NACC1: variants seen among roughly 807,000 people sequenced by gnomAD.
The protein encoded by NACC1 is nucleus accumbens associated 1, also known as nucleus accumbens-associated protein 1.
A neutral mutation model predicts 41.7 loss-of-function variants in NACC1; 6 were observed. That is an observed-to-expected ratio of 0.14 (90% confidence interval 0.08 to 0.28). The LOEUF (loss-of-function observed/expected upper bound fraction) is 0.28, where lower values mean the gene tolerates loss of function less well. NACC1 is among the 10% of genes least tolerant of loss of function. NACC1 has a pLI of 1.00. For synonymous variants in NACC1, 338 were observed against 330.6 expected (o/e 1.02, Z -0.24); for missense variants, 434 against 763.7 (o/e 0.57, Z 5.09).
intron 1 of NACC1, among the ~76,000 whole-genome samples, chr19:13,126,631 C>T (rs1214206778): frequency 6.6e-6 from 1 of 152,072 alleles, no homozygotes; most frequent in African/African-American, 2.4e-5. Flanking sequence ...GTGAGCAATT[C>T]GTCAGGTAAC....
intron 1 of NACC1, among the ~76,000 whole-genome samples, chr19:13,128,466 G>T (rs2019592672): frequency 6.6e-6 from 1 of 152,178 alleles, no homozygotes; most frequent in African/African-American, 2.4e-5. Flanking sequence ...TTTATCTCCA[G>T]ATACAGGCAC....
rs2019709524 is a variant in NACC1, at chr19:13,136,518, CTGTAGTGTTGGTAACAGCCA to C, written c.1120+114_1120+133del. On this transcript the variant is annotated intron_variant, in intron 3 of 5. Transcript: ENST00000292431. This position sits in a 1 kb window ranked among gnomAD's most constrained non-coding sequence, Gnocchi z 5.5. ...CAGCACCTCAGTTTCCCTATCTGTG[CTGTAGTGTTGGTAACAGCCA>C]CCCTAAGGGTGGGGGCGTTGGTGAG... 12 of 1,294,770 alleles carry C rather than the reference CTGTAGTGTTGGTAACAGCCA, an allele frequency of 9.3e-6. No homozygotes were observed. The South Asian group carries it at 1.6e-4, about 18-fold the overall frequency. 80.2% of individuals were successfully genotyped at this position (1,294,770 alleles called of 1,614,324 possible).
chr19:13,136,543 A>T lies in NACC1; in HGVS notation c.1120+138A>T. ...CTGTAGTGTTGGTAACAGCCACCCTAAGGGTGGGGGCGTTGGTGAGATGGA... is the reference window on the plus strand; with the variant it reads ...CTGTAGTGTTGGTAACAGCCACCCTTAGGGTGGGGGCGTTGGTGAGATGGA... On this transcript the variant is annotated intron_variant, in intron 3 of 5. Coordinates refer to ENST00000292431, the MANE Select transcript of NACC1 (RefSeq NM_052876.4). The surrounding 1 kb of genome is among the most constrained non-coding windows in gnomAD (Gnocchi z 5.5). 5.9e-6 allele frequency: 6 copies of T among 1,025,354 alleles called. No homozygotes were observed. Among genetic ancestry groups the T allele is most frequent in the Non-Finnish European group, 8.3e-6 (6 of 727,090 alleles). 63.5% of individuals were successfully genotyped at this position (1,025,354 alleles called of 1,614,324 possible). A position where few individuals can be genotyped will look rare whatever the true frequency, so the allele number is the denominator to read the frequency against.
At position 13,137,042 on chromosome 19, in the gene NACC1, A is replaced by G. The variant is rs1228731373; in HGVS notation, c.1121-229A>G. ...CAGGCACCCCGAGGATGGTGAAGCA[A>G]CCCTTTCTGTCCTTTCCTGAGCACT... is the stretch of plus-strand genomic sequence containing the variant. On this transcript the variant is annotated intron_variant, in intron 3 of 5. Transcript: ENST00000292431. This position sits in a 1 kb window ranked among gnomAD's most constrained non-coding sequence, Gnocchi z 6.1. 6.6e-6 allele frequency among the ~76,000 whole-genome samples: 1 copy of G among 152,098 alleles called. No homozygotes were observed. The highest frequency in any genetic ancestry group is 2.4e-5 in the African/African-American group (1 of 41,408).
rs202124219 is a variant in NACC1, at chr19:13,122,899, GCGAGCGC to G, written c.-9+4449_-9+4455del. Reference sequence around the variant, plus strand: ...GGCATTCATGAGCACCGACTACGGGGCGAGCGCCGATCGGCCTGTGTTCTTTGGTTGT... The same window carrying G: ...GGCATTCATGAGCACCGACTACGGGGCGATCGGCCTGTGTTCTTTGGTTGT... On this transcript the variant is annotated intron_variant, in intron 1 of 5. Coordinates refer to ENST00000292431, the MANE Select transcript of NACC1 (RefSeq NM_052876.4). Among the ~76,000 whole-genome samples, 860 of 152,310 alleles carry G rather than the reference GCGAGCGC, an allele frequency of 5.6e-3. 6 individuals are homozygous for G. Among genetic ancestry groups the G allele is most frequent in the African/African-American group, 0.019 (797 of 41,546 alleles).
intron 1 of NACC1, among the ~76,000 whole-genome samples, chr19:13,121,484 G>C (rs1248146665): frequency 6.6e-6 from 1 of 152,182 alleles, no homozygotes; most frequent in Non-Finnish European, 1.5e-5. Context: ...CCTCCTGGCC[G>C]GGCAGCAGGG....
intron 1 of NACC1, among the ~76,000 whole-genome samples, chr19:13,129,421 C>T (rs1163410927): frequency 1.3e-5 from 2 of 151,642 alleles, no homozygotes; most frequent in Non-Finnish European, 2.9e-5. Flanking sequence ...TAGTTTTTCT[C>T]CTGAGTCCAT....
At position 13,135,252 on chromosome 19, in the gene NACC1, C is replaced by T. The variant is rs1272026988; in HGVS notation, c.45C>T (p.Ser15=). Residue 15 remains serine, a synonymous_variant, in exon 2 of 6, where the codon AGC becomes AGT. Coordinates refer to ENST00000292431, the MANE Select transcript of NACC1 (RefSeq NM_052876.4). ...TGGAGATCCCGAACTTCGGCAACAG[C>T]ATCCTGGAGTGCCTCAATGAACAGC... is the stretch of plus-strand genomic sequence containing the variant. ...LQMEIPNFGN[S]ILECLNEQRL... is the part of the protein sequence containing the mutation. 1 of 1,613,054 alleles carries T rather than the reference C, an allele frequency of 6.2e-7. No homozygotes were observed. The highest frequency in any genetic ancestry group is 1.7e-5 in the Admixed American group (1 of 59,884).
At chr19:13,119,856 C>T (rs1380238927) in intron 1 of NACC1, among the ~76,000 whole-genome samples, 3 of 152,220 alleles carry the variant, frequency 2.0e-5, no homozygotes, top group Non-Finnish European at 2.9e-5. Context: ...TGATGGCTCA[C>T]CACCACCAGT....
chr19:13,137,430 C>A lies in NACC1; in HGVS notation c.1227-48C>A, dbSNP rs201961947. Reference sequence around the variant, plus strand: ...GGGGGTGGGGTTTCCCCATGTCCCCCCCACCACCAACTTGAGCGCTGACTC... The same window carrying A: ...GGGGGTGGGGTTTCCCCATGTCCCCACCACCACCAACTTGAGCGCTGACTC... On this transcript the variant is annotated intron_variant, in intron 4 of 5. Coordinates refer to ENST00000292431, the MANE Select transcript of NACC1 (RefSeq NM_052876.4). The surrounding 1 kb of genome is among the most constrained non-coding windows in gnomAD (Gnocchi z 6.1). 1.8e-5 allele frequency: 29 copies of A among 1,611,632 alleles called. No homozygotes were observed. In the Admixed American group the frequency reaches 3.2e-4, roughly 18 times the overall value.
At position 13,137,773 on chromosome 19, in the gene NACC1, C is replaced by A. The variant is rs2019727330; in HGVS notation, c.1324+198C>A. Among the ~76,000 whole-genome samples the A allele has an allele frequency of 6.6e-6, 1 of 152,124 alleles. No individual in the cohort carries two copies. Among genetic ancestry groups the A allele is most frequent in the South Asian group, 2.1e-4 (1 of 4,828 alleles). Reference sequence around the variant, plus strand: ...GGGGATGCACGTGCCGAAGGGAAGCCAGGGAGCCTGTGTCAGGCAGGAGGG... The same window carrying A: ...GGGGATGCACGTGCCGAAGGGAAGCAAGGGAGCCTGTGTCAGGCAGGAGGG... On this transcript the variant is annotated intron_variant, in intron 5 of 5. Coordinates refer to ENST00000292431, the MANE Select transcript of NACC1 (RefSeq NM_052876.4). The surrounding 1 kb of genome is among the most constrained non-coding windows in gnomAD (Gnocchi z 6.1).
At chr19:13,133,087 T>C (rs2019653286) in intron 1 of NACC1, among the ~76,000 whole-genome samples, 1 of 152,124 alleles carries the variant, frequency 6.6e-6, no homozygotes, top group Non-Finnish European at 1.5e-5. Flanking sequence ...TAATGAAACA[T>C]GGAAGGTGCT....
chr19:13,138,589 G>A lies in NACC1; in HGVS notation c.*183G>A, dbSNP rs1040588981. On this transcript the variant is annotated 3_prime_UTR_variant, in exon 6 of 6. Transcript: ENST00000292431. This position sits in a 1 kb window ranked among gnomAD's most constrained non-coding sequence, Gnocchi z 5.7. Reference sequence around the variant, plus strand: ...CCGAGAGCTGGGCCGGGAGAGGACCGCAGGGCAGGTGGCGTGAGGTCCGTG... The same window carrying A: ...CCGAGAGCTGGGCCGGGAGAGGACCACAGGGCAGGTGGCGTGAGGTCCGTG... 22 of 889,894 alleles carry A rather than the reference G, an allele frequency of 2.5e-5. No individual in the cohort carries two copies. Among genetic ancestry groups the A allele is most frequent in the African/African-American group, 2.0e-4 (12 of 59,372 alleles). The allele number at this position is 889,894 out of a possible 1,614,324, so 55.1% of individuals were successfully genotyped here.
intron 1 of NACC1, among the ~76,000 whole-genome samples, chr19:13,122,024 C>T (rs547952096): frequency 1.2e-3 from 188 of 152,292 alleles, no homozygotes; most frequent in African/African-American, 4.3e-3. Flanking sequence ...CTACTGCCTT[C>T]CCCTAGAGAA....
At position 13,136,285 on chromosome 19, in the gene NACC1, A is replaced by G. The variant is rs1330937800; in HGVS notation, c.1000A>G (p.Ile334Val). 1 of 1,613,994 alleles carries G rather than the reference A, an allele frequency of 6.2e-7. No homozygotes were observed. The highest frequency in any genetic ancestry group is 2.2e-5 in the East Asian group (1 of 44,856). ...GGTAGCCCCCGAGTCCCGAAATCGC[A>G]TCCGGGTTCGGCAAGACCTGGCGTC... ...EQVAPESRNR[I>V]RVRQDLASLP... Residue 334 changes from isoleucine (I) to valine (V), a missense_variant, in exon 3 of 6, where the codon ATC (isoleucine) becomes GTC (valine). Physicochemically the swap from Ile to Val is conservative, Grantham distance 29. Around this residue, in one of 4 missense-constraint regions of NACC1, gnomAD observed 234 missense variants for 308.3 expected, o/e 0.76. Transcript: ENST00000292431. The surrounding 1 kb of genome is among the most constrained non-coding windows in gnomAD (Gnocchi z 5.5).
intron 1 of NACC1, among the ~76,000 whole-genome samples, chr19:13,133,270 A>G (rs139719925): frequency 1.3e-5 from 2 of 151,918 alleles, no homozygotes; most frequent in East Asian, 1.9e-4. Flanking sequence ...TAGAGACCCT[A>G]TAGAATTACA....
At chr19:13,133,845 G>A (rs75445606) in intron 1 of NACC1, among the ~76,000 whole-genome samples, 3,173 of 152,184 alleles carry the variant, frequency 0.021, 125 homozygotes, top group African/African-American at 0.073. Flanking sequence ...TTGAGGAACC[G>A]TCAGACTGTT....
chr19:13,137,610 C>G lies in NACC1; in HGVS notation c.1324+35C>G, dbSNP rs1018301095. 46 of 1,519,530 alleles carry G rather than the reference C, an allele frequency of 3.0e-5. No homozygotes were observed. The highest frequency in any genetic ancestry group is 3.7e-5 in the Non-Finnish European group (42 of 1,122,572). The allele number at this position is 1,519,530 out of a possible 1,614,324, so 94.1% of individuals were successfully genotyped here. On this transcript the variant is annotated intron_variant, in intron 5 of 5. Transcript: ENST00000292431. This position sits in a 1 kb window ranked among gnomAD's most constrained non-coding sequence, Gnocchi z 6.1. ...GGCCCAGCTGGACGAGGCGTGGGCC[C>G]GGGGCACGCAGGTTGACGTTTTTTC...
chr19:13,136,728 C>A lies in NACC1; in HGVS notation c.1120+323C>A, dbSNP rs1057051036. ...TTAGGAATTTGGACAGTCACAGGGG[C>A]GAATGCCTGTAGTCCTAGCTACTCA... On this transcript the variant is annotated intron_variant, in intron 3 of 5. Transcript: ENST00000292431. The surrounding 1 kb of genome is among the most constrained non-coding windows in gnomAD (Gnocchi z 5.5). 1.3e-5 allele frequency among the ~76,000 whole-genome samples: 2 copies of A among 152,112 alleles called. No homozygotes were observed. Among genetic ancestry groups the A allele is most frequent in the African/African-American group, 4.8e-5 (2 of 41,408 alleles).
Sources: gnomAD v4.1 joint callset for allele counts (sites outside exome capture counted in the v4.1 genomes callset) on GRCh38, gnomAD v4.1.1 for gene constraint, gnomAD v4.1.1 regional missense constraint, Gnocchi (gnomAD v3.1) non-coding constraint, MANE v1.5 for transcripts, NCBI Gene and HGNC (gene_info 2026-07-23, HGNC 2026-07-21) for gene names.